Variants in NEK8 observed in about 807,000 individuals in gnomAD.
NEK8 encodes NIMA related kinase 8.
A neutral mutation model predicts 77.2 loss-of-function variants in NEK8; 51 were observed. That is an observed-to-expected ratio of 0.66 (90% confidence interval 0.53 to 0.83). NEK8 has a LOEUF of 0.83. Ranked by LOEUF, NEK8 falls within the 40% of genes least tolerant of loss-of-function variation. The probability of loss-of-function intolerance (pLI) is 0.00; values close to 1 mark genes in which losing one functional copy is unlikely to be tolerated. For synonymous variants in NEK8, 365 were observed against 363.2 expected (o/e 1.00, Z -0.06); for missense variants, 787 against 909.2 (o/e 0.87, Z 1.73).
chr17:28,732,648 T>A (rs57466243), intron 1 of NEK8, among the ~76,000 whole-genome samples: 62,655 of 143,166 alleles, frequency 0.44, 16,248 homozygotes, highest in East Asian at 0.58. Context: ...ACCTCCCAGG[T>A]TCAGGCCATT....
chr17:28,735,120 G>A, intron 3 of NEK8, 116 bp downstream of exon 3: 2 of 1,546,156 alleles, frequency 1.3e-6, no homozygotes, highest in Non-Finnish European at 1.8e-6. Context: ...TGTTTGGGTG[G>A]TTCTGCAGGA....
Position 28,742,108 on chromosome 17 carries a change from A to C in NEK8, c.*121A>C. The C allele has an allele frequency of 9.8e-7, 1 of 1,020,792 alleles. No homozygotes were observed. Among genetic ancestry groups the C allele is most frequent in the Non-Finnish European group, 1.6e-6 (1 of 640,278 alleles). 63.2% of individuals were successfully genotyped at this position (1,020,792 alleles called of 1,614,324 possible). On this transcript the variant is annotated 3_prime_UTR_variant, in exon 15 of 15. Coordinates refer to ENST00000268766, the MANE Select transcript of NEK8 (RefSeq NM_178170.3). ...CTGGATTGTGTCATCATGGGGTATC[A>C]GGGCTGGCAAAACCCCTGCTCTGCT...
Position 28,737,962 on chromosome 17 carries a change from GC to G in NEK8, c.1035del (p.Gly346AlafsTer16). 2 of 1,612,446 alleles carry G rather than the reference GC, an allele frequency of 1.2e-6. No homozygotes were observed. Among genetic ancestry groups the G allele is most frequent in the Non-Finnish European group, 1.7e-6 (2 of 1,179,058 alleles). Reference protein sequence around the residue: ...VQVAAGRTQKAGVTRSGRLIL... With the variant: ...VQVAAGRTQKXGVTRSGRLIL... ...GGTGGCAGCTGGGCGCACGCAGAAA[GC>G]CGGCGTCACGCGCTCTGGGCGTCTC... On this transcript the variant is annotated frameshift_variant, in exon 7 of 15. Transcript: ENST00000268766. LOFTEE classifies it high-confidence loss of function. This position sits in a 1 kb window ranked among gnomAD's most constrained non-coding sequence, Gnocchi z 4.8.
rs2034450507 is a variant in NEK8, at chr17:28,743,455, C to T, written c.*1468C>T. 1 of 152,342 alleles carries T rather than the reference C, an allele frequency of 6.6e-6. No individual in the cohort carries two copies. The highest frequency in any genetic ancestry group is 2.4e-5 in the African/African-American group (1 of 41,456). 9.4% of individuals were successfully genotyped at this position (152,342 alleles called of 1,614,324 possible). A position where few individuals can be genotyped will look rare whatever the true frequency, so the allele number is the denominator to read the frequency against. On this transcript the variant is annotated 3_prime_UTR_variant, in exon 15 of 15. Transcript: ENST00000268766. ...GAAGGCCAATAAAAATATCAGCTGC[C>T]TGCCTGGAGTGTGGTGTCTTCAAGG...
At position 28,740,078 on chromosome 17, in the gene NEK8, G is replaced by A. The variant is rs1291669353; in HGVS notation, c.1418-385G>A. Among the ~76,000 whole-genome samples, 3 of 152,024 alleles carry A rather than the reference G, an allele frequency of 2.0e-5. No individual in the cohort carries two copies. Among genetic ancestry groups the A allele is most frequent in the Non-Finnish European group, 2.9e-5 (2 of 68,010 alleles). On this transcript the variant is annotated intron_variant, in intron 10 of 14. Transcript: ENST00000268766. The surrounding 1 kb of genome is among the most constrained non-coding windows in gnomAD (Gnocchi z 4.7). ...AGGCAGGTGGATCACAAGGTCAGGA[G>A]TTCAAGACCAGCCTGGCCAACATGG...
chr17:28,740,582 C>A lies in NEK8; in HGVS notation c.1537C>A (p.Pro513Thr). 6.2e-7 allele frequency: 1 copy of A among 1,614,196 alleles called. No individual in the cohort carries two copies. The highest frequency in any genetic ancestry group is 8.5e-7 in the Non-Finnish European group (1 of 1,180,030). The change falls in exon 11 of 15, where the codon CCT (proline) becomes ACT (threonine). Residue 513 changes from proline (P) to threonine (T), a missense_variant. Physicochemically the swap from Pro to Thr is conservative, Grantham distance 38. Around this residue, in one of 2 missense-constraint regions of NEK8, gnomAD observed 516 missense variants for 544.0 expected, o/e 0.95. Coordinates refer to ENST00000268766, the MANE Select transcript of NEK8 (RefSeq NM_178170.3). This position sits in a 1 kb window ranked among gnomAD's most constrained non-coding sequence, Gnocchi z 4.7. ...CGATTCCTCCATGATCCTCACTGTG[C>A]CTGGCCAAGCCCTAGCCTGTGGGAG... ...GIDSSMILTVPGQALACGSNR... is the reference protein window; with the variant it reads ...GIDSSMILTVTGQALACGSNR...
intron 1 of NEK8, among the ~76,000 whole-genome samples, chr17:28,731,733 A>C (rs1447012070): frequency 1.3e-5 from 2 of 148,734 alleles, no homozygotes; most frequent in Non-Finnish European, 1.5e-5. Flanking sequence ...CCTCCCTAGC[A>C]GCTGGAACTA....
Position 28,742,313 on chromosome 17 carries a change from G to A in NEK8, c.*326G>A. 2 of 467,126 alleles carry A rather than the reference G, an allele frequency of 4.3e-6. No individual in the cohort carries two copies. Among genetic ancestry groups the A allele is most frequent in the Non-Finnish European group, 7.9e-6 (2 of 253,308 alleles). The allele number at this position is 467,126 out of a possible 1,614,324, so 28.9% of individuals were successfully genotyped here. On this transcript the variant is annotated 3_prime_UTR_variant, in exon 15 of 15. Coordinates refer to ENST00000268766, the MANE Select transcript of NEK8 (RefSeq NM_178170.3). The stretch of plus-strand genomic sequence containing the variant: ...CCTTGCCATAAAAAGGCTGAAGGCA[G>A]CCGGGCGCAGTGGCTCACGCCTGTA...
intron 1 of NEK8, among the ~76,000 whole-genome samples, chr17:28,731,697 A>G (rs6505092): frequency 0.52 from 76,750 of 147,914 alleles, 23,931 homozygotes; most frequent in Non-Finnish European, 0.68. Flanking sequence ...TCCGCCTCCC[A>G]GGTTCACGCC....
chr17:28,731,918 T>A (rs2034311947), intron 1 of NEK8, among the ~76,000 whole-genome samples: 1 of 72,810 alleles, frequency 1.4e-5, no homozygotes, highest in Non-Finnish European at 2.8e-5. Flanking sequence ...ATTTTTTTTT[T>A]TTTTTTTTTT....
At position 28,734,177 on chromosome 17, in the gene NEK8, A is replaced by ACT. The variant is rs1214988107; in HGVS notation, c.242_243insCT (p.Glu81AspfsTer134). On this transcript the variant is annotated frameshift_variant, in exon 2 of 15. Transcript: ENST00000268766. LOFTEE classifies it high-confidence loss of function. ...GACAAAGCCCTTATGATCGCCATGGAATATGCACCAGGTGGGCCAGCCTCC... is the reference window on the plus strand; with the variant it reads ...GACAAAGCCCTTATGATCGCCATGGACTATATGCACCAGGTGGGCCAGCCTCC... The ACT allele has an allele frequency of 1.9e-6, 3 of 1,614,062 alleles. No homozygotes were observed. Among genetic ancestry groups the ACT allele is most frequent in the Admixed American group, 3.3e-5 (2 of 60,010 alleles).
rs1215719670 is a variant in NEK8 at position 28,741,410 on chromosome 17, CAG to C, written c.1894_1895del. On this transcript the variant is annotated splice_acceptor_variant, in intron 13 of 14. Coordinates refer to ENST00000268766, the MANE Select transcript of NEK8 (RefSeq NM_178170.3). LOFTEE classifies it high-confidence loss of function. This position sits in a 1 kb window ranked among gnomAD's most constrained non-coding sequence, Gnocchi z 4.5. ...CTTCCCTCCTGGGGATTCTTCCTGG[CAG>C]AGAGCGAAGTGTACTCTTGGGGCAA... 1 of 1,613,792 alleles carries C rather than the reference CAG, an allele frequency of 6.2e-7. No individual in the cohort carries two copies. The highest frequency in any genetic ancestry group is 1.1e-5 in the South Asian group (1 of 91,030).
At chr17:28,730,013 G>C (rs2034291386) in intron 1 of NEK8, among the ~76,000 whole-genome samples, 3 of 152,196 alleles carry the variant, frequency 2.0e-5, no homozygotes, top group African/African-American at 2.4e-5. Context: ...TAGTGGGCAA[G>C]GTAGAGAATG....
Position 28,737,398 on chromosome 17 carries a change from T to G in NEK8, c.711T>G (p.Ser237Arg). 1 of 1,613,640 alleles carries G rather than the reference T, an allele frequency of 6.2e-7. No individual in the cohort carries two copies. The highest frequency in any genetic ancestry group is 8.5e-7 in the Non-Finnish European group (1 of 1,180,012). Residue 237 changes from serine to arginine, a missense_variant, in exon 5 of 15, where the codon AGT (serine) becomes AGG (arginine). Coordinates refer to ENST00000268766, the MANE Select transcript of NEK8 (RefSeq NM_178170.3). This position sits in a 1 kb window ranked among gnomAD's most constrained non-coding sequence, Gnocchi z 4.8. ...YSPELRQLVL[S>R]LLSLEPAQRP... ...CTGAGCTTCGCCAGCTGGTCCTGAG[T>G]CTACTCAGCCTGGAGCCTGCCCAGC...
chr17:28,733,018 G>T (rs2034325867), intron 1 of NEK8: 1 of 151,728 alleles, frequency 6.6e-6, no homozygotes, highest in Admixed American at 6.6e-5. Flanking sequence ...GGACCACAGA[G>T]GCTTGCCACC....
At chr17:28,730,058 T>A (rs1481391308) in intron 1 of NEK8, among the ~76,000 whole-genome samples, 4 of 152,310 alleles carry the variant, frequency 2.6e-5, no homozygotes, top group Admixed American at 2.6e-4. Flanking sequence ...GGGGACTAGA[T>A]TATGGCCTGA....
In NEK8 at chr17:28,737,861, T is replaced by C; in HGVS notation, c.932T>C (p.Leu311Pro). 1 of 1,613,910 alleles carries C rather than the reference T, an allele frequency of 6.2e-7. No homozygotes were observed. The highest frequency in any genetic ancestry group is 8.5e-7 in the Non-Finnish European group (1 of 1,179,996). The change falls in exon 7 of 15, where the codon CTG (leucine) becomes CCG (proline). Residue 311 changes from leucine (L) to proline (P), a missense_variant. This residue lies in a region of NEK8 where 516 missense variants were observed against 544.0 expected (regional missense o/e 0.95). Transcript: ENST00000268766. This position sits in a 1 kb window ranked among gnomAD's most constrained non-coding sequence, Gnocchi z 4.8. ...GPVRPAIPPP[L>P]SSVYAWGGGL... ...GTGAGGCCAGCCATCCCACCACCAC[T>C]GTCGTCAGTGTATGCCTGGGGTGGT...
intron 4 of NEK8, among the ~76,000 whole-genome samples, 179 bp downstream of exon 4, chr17:28,735,550 C>G (rs956462573): frequency 6.6e-6 from 1 of 152,078 alleles, no homozygotes; most frequent in Non-Finnish European, 1.5e-5. Flanking sequence ...TAGGTCTTGC[C>G]TCCCATTAGA....
Position 28,743,129 on chromosome 17 carries a change from C to G in NEK8, c.*1142C>G, listed in dbSNP as rs931469055. ...TATTTGGTGCTTACCGGGACTCTAT[C>G]TCCATACTTTGGAGCAGGGCAAGCC... On this transcript the variant is annotated 3_prime_UTR_variant, in exon 15 of 15. Transcript: ENST00000268766. 2.7e-5 allele frequency: 4 copies of G among 146,712 alleles called. No individual in the cohort carries two copies. The highest frequency in any genetic ancestry group is 2.1e-4 in the East Asian group (1 of 4,806). 9.1% of individuals were successfully genotyped at this position (146,712 alleles called of 1,614,324 possible).
Sources: gnomAD v4.1 joint callset for allele counts (sites outside exome capture counted in the v4.1 genomes callset) on GRCh38, gnomAD v4.1.1 for gene constraint, gnomAD v4.1.1 regional missense constraint, Gnocchi (gnomAD v3.1) non-coding constraint, MANE v1.5 for transcripts, NCBI Gene and HGNC (gene_info 2026-07-23, HGNC 2026-07-21) for gene names.